The following DPF3 variants were observed in gnomAD, a reference collection of about 807,000 sequenced individuals.
DPF3 encodes double PHD fingers 3, also known as zinc finger protein DPF3.
A neutral mutation model predicts 56.8 loss-of-function variants in DPF3; 18 were observed. That is an observed-to-expected ratio of 0.32 (90% CI 0.22 to 0.47). The LOEUF (loss-of-function observed/expected upper bound fraction) is 0.47. Ranked by LOEUF, DPF3 falls within the 20% of genes least tolerant of loss-of-function variation. The pLI is 1.00. For missense variants in DPF3, 403 were observed against 488.8 expected (o/e 0.82, Z 1.65); for synonymous variants, 188 against 180.2 (o/e 1.04, Z -0.35).
intron 1 of DPF3, among the ~76,000 whole-genome samples, chr14:72,855,026 CAG>C (rs1885124110): frequency 6.6e-6 from 1 of 152,134 alleles, no homozygotes; most frequent in Non-Finnish European, 1.5e-5. Context: ...CCCGGATGAT[CAG>C]AGCCCAGACT....
intron 1 of DPF3, among the ~76,000 whole-genome samples, chr14:72,805,239 G>A (rs1882712825): frequency 6.6e-6 from 1 of 152,190 alleles, no homozygotes; most frequent in South Asian, 2.1e-4. Context: ...GGGAGGGCGA[G>A]GTGGGCAGAT....
intron 7 of DPF3, among the ~76,000 whole-genome samples, chr14:72,689,973 G>A (rs1367060105): frequency 1.3e-5 from 2 of 152,144 alleles, no homozygotes; most frequent in African/African-American, 2.4e-5. Context: ...GGGAGGCCCC[G>A]GATCCGCCTG....
chr14:72,609,624 C>A lies in DPF3; in HGVS notation c.*9673G>T, dbSNP rs1374694053. On this transcript the variant is annotated 3_prime_UTR_variant, in exon 11 of 11. Transcript: ENST00000556509. ...GGGAACCTGACACACGTGGGAAGGG[C>A]ACATCCCCAGAGGACAGAGGACAAG... 6.6e-6 allele frequency among the ~76,000 whole-genome samples: 1 copy of A among 152,152 alleles called. No individual in the cohort carries two copies. Among genetic ancestry groups the A allele is most frequent in the Non-Finnish European group, 1.5e-5 (1 of 68,018 alleles).
chr14:72,689,316 C>A (rs1262361999), intron 7 of DPF3, among the ~76,000 whole-genome samples: 1 of 152,168 alleles, frequency 6.6e-6, no homozygotes, highest in South Asian at 2.1e-4. Flanking sequence ...GTCTGTAAGG[C>A]TGTTTTTCCA....
intron 1 of DPF3, among the ~76,000 whole-genome samples, chr14:72,869,644 T>C (rs1885815668): frequency 6.6e-6 from 1 of 151,920 alleles, no homozygotes; most frequent in Non-Finnish European, 1.5e-5. Context: ...CAGAGGACAA[T>C]GAGAAGGTGG....
chr14:72,661,255 A>C, intron 8 of DPF3: 1 of 985,348 alleles, frequency 1.0e-6, no homozygotes, highest in Non-Finnish European at 1.2e-6. Context: ...AATGATACAG[A>C]CACTCTCGGT....
chr14:72,667,846 G>A (rs1886504077), intron 8 of DPF3, among the ~76,000 whole-genome samples: 1 of 152,190 alleles, frequency 6.6e-6, no homozygotes, highest in Non-Finnish European at 1.5e-5. Context: ...ATGTATACAT[G>A]CATGCATATA....
At chr14:72,736,070 A>G (rs1341026216) in intron 3 of DPF3, among the ~76,000 whole-genome samples, 1 of 152,252 alleles carries the variant, frequency 6.6e-6, no homozygotes. Flanking sequence ...GCACTGTCCA[A>G]CAGAAATGTA....
chr14:72,883,204 C>T (rs1248829963), intron 1 of DPF3, among the ~76,000 whole-genome samples: 1 of 152,186 alleles, frequency 6.6e-6, no homozygotes, highest in East Asian at 1.9e-4. Flanking sequence ...TTTTCACCTG[C>T]AATCCCAGCA....
chr14:72,707,698 A>G (rs200070467), intron 6 of DPF3, among the ~76,000 whole-genome samples: 2 of 136,862 alleles, frequency 1.5e-5, no homozygotes, highest in African/African-American at 5.3e-5. Flanking sequence ...GTGTGTGTGT[A>G]TGTGTGTATA....
At chr14:72,892,624 G>C (rs1886798192) in intron 1 of DPF3, 15 of 1,193,588 alleles carry the variant, frequency 1.3e-5, no homozygotes, top group African/African-American at 7.9e-5. Context: ...TCAACTCCAG[G>C]AGTGGCCAGG....
At chr14:72,892,563 C>T (rs1886795250) in intron 1 of DPF3, 1 of 1,337,352 alleles carries the variant, frequency 7.5e-7, no homozygotes. Flanking sequence ...TCTCCCTGTG[C>T]ATTCCTTTGC....
chr14:72,845,028 C>T (rs950353814), intron 1 of DPF3, among the ~76,000 whole-genome samples: 32 of 152,194 alleles, frequency 2.1e-4, no homozygotes, highest in African/African-American at 7.5e-4. Flanking sequence ...TCACTTGAGC[C>T]CAGGAATTGG....
chr14:72,685,558 T>C (rs1423801266), intron 7 of DPF3, among the ~76,000 whole-genome samples: 1 of 152,128 alleles, frequency 6.6e-6, no homozygotes, highest in Non-Finnish European at 1.5e-5. Flanking sequence ...ATAAGTAAAC[T>C]CTCCCAATAA....
chr14:72,866,693 C>T (rs1885683452), intron 1 of DPF3, among the ~76,000 whole-genome samples: 1 of 150,492 alleles, frequency 6.6e-6, no homozygotes, highest in Non-Finnish European at 1.5e-5. Flanking sequence ...CCCATCTCTA[C>T]TAAAAATACA....
rs1023721108 is a variant in DPF3 at position 72,753,418 on chromosome 14, G to C, written c.194-47C>G. On this transcript the variant is annotated intron_variant, in intron 2 of 10. Coordinates refer to ENST00000556509, the MANE Select transcript of DPF3 (RefSeq NM_001280542.3). ...AGATTAAAGGCTCCAGGCTGGAAGG[G>C]GCCTTGGAAACTACCCTGACTAACC... 2.0e-6 allele frequency: 3 copies of C among 1,490,336 alleles called. No individual in the cohort carries two copies. In the African/African-American group the frequency reaches 4.2e-5, roughly 21 times the overall value. The allele number at this position is 1,490,336 out of a possible 1,614,324, so 92.3% of individuals were successfully genotyped here. A position where few individuals can be genotyped will look rare whatever the true frequency, so the allele number is the denominator to read the frequency against.
In DPF3 at chr14:72,861,743, GAA is replaced by G. The variant is rs1267402293; in HGVS notation, c.32+32312_32+32313del. On this transcript the variant is annotated intron_variant, in intron 1 of 10. Transcript: ENST00000556509. Reference sequence around the variant, plus strand: ...AGAGAGAGAAAGAAAGAAAGAGAAAGAAAGAAAGAAAGAAAGAAAGAAAGAAA... The same window carrying G: ...AGAGAGAGAAAGAAAGAAAGAGAAAGAGAAAGAAAGAAAGAAAGAAAGAAA... 2.2e-3 allele frequency among the ~76,000 whole-genome samples: 247 copies of G among 114,066 alleles called. 1 individual carries two copies. The highest frequency in any genetic ancestry group is 8.4e-3 in the African/African-American group (238 of 28,270). 74.8% of individuals were successfully genotyped at this position (114,066 alleles called of 152,430 possible).
intron 1 of DPF3, among the ~76,000 whole-genome samples, chr14:72,855,850 C>T (rs918225105): frequency 8.5e-5 from 13 of 152,168 alleles, no homozygotes; most frequent in Non-Finnish European, 1.8e-4. Flanking sequence ...TCATACCTTT[C>T]GGGCTTTCAT....
At chr14:72,733,967 T>G (rs900586238) in intron 3 of DPF3, among the ~76,000 whole-genome samples, 2 of 152,190 alleles carry the variant, frequency 1.3e-5, no homozygotes, top group Non-Finnish European at 2.9e-5. Flanking sequence ...TTTGGGATTT[T>G]TCCTACCAAA....
Sources: gnomAD v4.1 joint callset for allele counts (sites outside exome capture counted in the v4.1 genomes callset) on GRCh38, gnomAD v4.1.1 for gene constraint, MANE v1.5 for transcripts, NCBI Gene and HGNC (gene_info 2026-07-23, HGNC 2026-07-21) for gene names.